Variants in DOK5 observed in about 807,000 individuals in gnomAD.
DOK5 encodes the protein docking protein 5.
A neutral mutation model predicts 43.3 loss-of-function variants in DOK5; 27 were observed. The ratio of observed to expected loss-of-function variants is 0.62; its 90% CI spans 0.46 to 0.86. The LOEUF (loss-of-function observed/expected upper bound fraction) is 0.86. DOK5 is among the 40% of genes least tolerant of loss of function. DOK5 has a pLI of 0.00. For missense variants in DOK5, 373 were observed against 392.9 expected, an observed-to-expected ratio of 0.95 and a Z score of 0.43; for synonymous variants, 146 against 140.1, an observed-to-expected ratio of 1.04 and a Z score of -0.30.
chr20:54,499,043 A>G (rs1295603467), intron 1 of DOK5, among the ~76,000 whole-genome samples: 1 of 152,212 alleles, frequency 6.6e-6, no homozygotes, highest in Non-Finnish European at 1.5e-5. Flanking sequence ...CCCCAATTTC[A>G]TGGATGAAGA....
intron 2 of DOK5, among the ~76,000 whole-genome samples, chr20:54,562,031 T>G (rs1385950770): frequency 1.3e-5 from 2 of 152,202 alleles, no homozygotes; most frequent in Admixed American, 6.5e-5. Context: ...GTAGTAAAAT[T>G]TCCTCATCAT....
chr20:54,649,613 C>A (rs530587510), intron 7 of DOK5, among the ~76,000 whole-genome samples: 1 of 152,202 alleles, frequency 6.6e-6, no homozygotes, highest in African/African-American at 2.4e-5. Context: ...TCTTTGCTTG[C>A]GGTAACCGTT....
intron 6 of DOK5, among the ~76,000 whole-genome samples, chr20:54,615,789 A>T (rs1201847721): frequency 1.3e-5 from 2 of 152,068 alleles, no homozygotes; most frequent in African/African-American, 4.8e-5. Context: ...GTGTGCCTGT[A>T]GTCCCAGCTA....
intron 6 of DOK5, among the ~76,000 whole-genome samples, chr20:54,620,047 A>T (rs1432425185): frequency 1.3e-5 from 2 of 150,954 alleles, no homozygotes; most frequent in Non-Finnish European, 1.5e-5. Flanking sequence ...GGGTTAACTT[A>T]TGGATTTTTT....
chr20:54,640,190 A>G (rs1032990361), intron 6 of DOK5, among the ~76,000 whole-genome samples: 14 of 152,244 alleles, frequency 9.2e-5, no homozygotes, highest in African/African-American at 3.1e-4. Context: ...CGACACAGAC[A>G]GTGACCCTGC....
chr20:54,641,032 C>T (rs1301033232), intron 6 of DOK5, among the ~76,000 whole-genome samples: 8 of 152,034 alleles, frequency 5.3e-5, no homozygotes, highest in Non-Finnish European at 1.2e-4. Context: ...GTACATAGAT[C>T]AAAACATCAC....
At chr20:54,501,415 C>T (rs1467675231) in intron 1 of DOK5, among the ~76,000 whole-genome samples, 6 of 135,778 alleles carry the variant, frequency 4.4e-5, no homozygotes, top group African/African-American at 1.1e-4. Context: ...TGCAGTGAGC[C>T]GAGATTGCGG....
intron 6 of DOK5, among the ~76,000 whole-genome samples, chr20:54,628,988 G>A (rs1978443319): frequency 6.6e-6 from 1 of 152,182 alleles, no homozygotes; most frequent in South Asian, 2.1e-4. Context: ...AACATTTTAA[G>A]ATTGAGTTAA....
chr20:54,608,552 T>C (rs1986541678), intron 5 of DOK5, among the ~76,000 whole-genome samples: 1 of 152,244 alleles, frequency 6.6e-6, no homozygotes, highest in Admixed American at 6.5e-5. Flanking sequence ...GTTTCAGATC[T>C]TCTTTGGGTT....
intron 1 of DOK5, among the ~76,000 whole-genome samples, chr20:54,542,978 T>A (rs1984215442): frequency 6.7e-6 from 1 of 149,426 alleles, no homozygotes; most frequent in African/African-American, 2.6e-5. Context: ...TAGCATAGAG[T>A]TGGTAGCTTA....
At chr20:54,484,788 A>C (rs948944164) in intron 1 of DOK5, among the ~76,000 whole-genome samples, 1 of 152,022 alleles carries the variant, frequency 6.6e-6, no homozygotes, top group Non-Finnish European at 1.5e-5. Flanking sequence ...CCAAGGCAGA[A>C]GGGCCACTTG....
At chr20:54,477,662 C>T (rs984985163) in intron 1 of DOK5, among the ~76,000 whole-genome samples, 1 of 148,398 alleles carries the variant, frequency 6.7e-6, no homozygotes, top group Non-Finnish European at 1.5e-5. Context: ...AAAAAAAAAA[C>T]CCAGCATTCT....
rs577937717 is a variant in DOK5, at chr20:54,585,316, A to G, written c.175-3167A>G. Among the ~76,000 whole-genome samples, 8 of 152,278 alleles carry G rather than the reference A, an allele frequency of 5.3e-5. No homozygotes were observed. In the South Asian group the frequency reaches 1.4e-3, roughly 28 times the overall value. ...TTGCTTCTCCTGAGCGGGGGTGTTC[A>G]GTTGCTGATTTCCTAAACCAATTTC... On this transcript the variant is annotated intron_variant, in intron 2 of 7. Transcript: ENST00000262593.
intron 6 of DOK5, among the ~76,000 whole-genome samples, chr20:54,622,322 G>T (rs538089688): frequency 1.3e-5 from 2 of 152,204 alleles, no homozygotes; most frequent in South Asian, 2.1e-4. Context: ...TGAAACTCAG[G>T]CTTCTTCCTT....
intron 5 of DOK5, among the ~76,000 whole-genome samples, chr20:54,607,922 AAAAC>A (rs1986523740): frequency 6.8e-6 from 1 of 146,516 alleles, no homozygotes; most frequent in Non-Finnish European, 1.5e-5. Flanking sequence ...AAAACAAAAC[AAAAC>A]AAAGTGGGCA....
In DOK5 at chr20:54,650,748, C is replaced by T. The variant is rs758320131; in HGVS notation, c.*269C>T. 5.2e-5 allele frequency: 17 copies of T among 324,318 alleles called. No individual in the cohort carries two copies. The highest frequency in any genetic ancestry group is 1.3e-4 in the African/African-American group (6 of 46,548). The allele number at this position is 324,318 out of a possible 1,614,324, so 20.1% of individuals were successfully genotyped here. A position where few individuals can be genotyped will look rare whatever the true frequency, so the allele number is the denominator to read the frequency against. Reference sequence around the variant, plus strand: ...GCTGGACAGAAAGAAGTCAATGTCACGAAATGATTTTCTATTGTAGATACT... The same window carrying T: ...GCTGGACAGAAAGAAGTCAATGTCATGAAATGATTTTCTATTGTAGATACT... On this transcript the variant is annotated 3_prime_UTR_variant, in exon 8 of 8. Coordinates refer to ENST00000262593, the MANE Select transcript of DOK5 (RefSeq NM_018431.5).
chr20:54,503,193 T>G (rs1600666604), intron 1 of DOK5, among the ~76,000 whole-genome samples: 2 of 152,332 alleles, frequency 1.3e-5, no homozygotes, highest in East Asian at 1.9e-4. Context: ...TCTGAAATAA[T>G]TTTGAATTTT....
intron 1 of DOK5, among the ~76,000 whole-genome samples, chr20:54,551,046 C>G (rs113721562): frequency 0.01 from 1,578 of 152,274 alleles, 32 homozygotes; most frequent in African/African-American, 0.036. Flanking sequence ...TTTTCCACAT[C>G]CTTGTCTGCA....
chr20:54,504,064 C>T (rs6023312), intron 1 of DOK5, among the ~76,000 whole-genome samples: 13,662 of 152,158 alleles, frequency 0.09, 2,108 homozygotes, highest in African/African-American at 0.31. Context: ...AGAGACAGTG[C>T]GCATGAGTGA....
Sources: gnomAD v4.1 joint callset for allele counts (sites outside exome capture counted in the v4.1 genomes callset) on GRCh38, gnomAD v4.1.1 for gene constraint, MANE v1.5 for transcripts, NCBI Gene and HGNC (gene_info 2026-07-23, HGNC 2026-07-21) for gene names.